The following CNGB1 variants were observed in gnomAD, a reference collection of about 807,000 sequenced individuals.
CNGB1 encodes cyclic nucleotide-gated channel beta-1.
CNGB1 carries 126 observed loss-of-function variants against 151.7 expected under a neutral mutation model. The ratio of observed to expected loss-of-function variants is 0.83; its 90% confidence interval spans 0.72 to 0.96. The LOEUF (loss-of-function observed/expected upper bound fraction) is 0.96. Ranked by LOEUF, CNGB1 falls within the 40% of genes least tolerant of loss-of-function variation. The probability of loss-of-function intolerance (pLI) is 0.00; values close to 1 mark genes in which losing one functional copy is unlikely to be tolerated. For missense variants in CNGB1, 1,698 were observed against 1,627.0 expected (o/e 1.04, Z -0.75); for synonymous variants, 623 against 635.1 (o/e 0.98, Z 0.29).
intron 14 of CNGB1, 137 bp from the exon 15 acceptor site, chr16:57,940,458 G>A (rs1596998049): frequency 2.6e-6 from 2 of 760,840 alleles, no homozygotes; most frequent in Non-Finnish European, 4.3e-6. Context: ...TCAACCTCAG[G>A]AGCCTCCAGG....
Position 57,920,380 on chromosome 16 carries a change from G to T in CNGB1, c.1801+7C>A. 1 of 1,614,070 alleles carries T rather than the reference G, an allele frequency of 6.2e-7. No homozygotes were observed. Among genetic ancestry groups the T allele is most frequent in the South Asian group, 1.1e-5 (1 of 91,056 alleles). ...TCCAGGTAGACCCCCTCCAGCTCCA[G>T]ACTCACAGGGCTTGGGGCTCTCCTC... is the stretch of plus-strand genomic sequence containing the variant. On this transcript the variant is annotated splice_region_variant and intron_variant, in intron 19 of 32. Coordinates refer to ENST00000251102, the MANE Select transcript of CNGB1 (RefSeq NM_001297.5).
intron 2 of CNGB1, among the ~76,000 whole-genome samples, chr16:57,966,054 C>T (rs1962392231): frequency 6.6e-6 from 1 of 152,190 alleles, no homozygotes; most frequent in South Asian, 2.1e-4. Flanking sequence ...CAGGAATGCC[C>T]AGCCTCTCCA....
Position 57,932,400 on chromosome 16 carries a change from C to CTT in CNGB1, c.1373-524_1373-523dup, listed in dbSNP as rs36048770. On this transcript the variant is annotated intron_variant, in intron 16 of 32. Coordinates refer to ENST00000251102, the MANE Select transcript of CNGB1 (RefSeq NM_001297.5). The stretch of plus-strand genomic sequence containing the variant: ...ACAAGTACTCACATTCTTAAAGATT[C>CTT]TTTTTTTTTTTTTTTTTTTTGAGTC... 6.8e-3 allele frequency among the ~76,000 whole-genome samples: 850 copies of CTT among 124,452 alleles called. 29 individuals carry two copies. Among genetic ancestry groups the CTT allele is most frequent in the African/African-American group, 0.022 (701 of 32,000 alleles). 81.6% of individuals were successfully genotyped at this position (124,452 alleles called of 152,430 possible).
chr16:57,950,679 A>T, intron 12 of CNGB1, 139 bp from the exon 13 acceptor site: 1 of 834,136 alleles, frequency 1.2e-6, no homozygotes, highest in South Asian at 1.5e-5. Flanking sequence ...GGGAAATGGC[A>T]CTTTCCATTT....
chr16:57,888,766 A>T (rs1395011186), intron 31 of CNGB1, among the ~76,000 whole-genome samples: 1 of 148,670 alleles, frequency 6.7e-6, no homozygotes, highest in Non-Finnish European at 1.5e-5. Context: ...TCTTTTTTTT[A>T]ACCAGCAGAA....
At chr16:57,967,611 G>T (rs181699106) in intron 1 of CNGB1, among the ~76,000 whole-genome samples, 1 of 151,908 alleles carries the variant, frequency 6.6e-6, no homozygotes, top group African/African-American at 2.4e-5. Flanking sequence ...TGGGAGGATC[G>T]TTTGAGCCTA....
chr16:57,886,821 T>C (rs1696530903), intron 32 of CNGB1, among the ~76,000 whole-genome samples: 1 of 152,200 alleles, frequency 6.6e-6, no homozygotes, highest in South Asian at 2.1e-4. Flanking sequence ...CATAGGTTTA[T>C]GGGGGTGGGG....
At chr16:57,941,940 C>A (rs1961679310) in intron 14 of CNGB1, among the ~76,000 whole-genome samples, 1 of 152,200 alleles carries the variant, frequency 6.6e-6, no homozygotes, top group South Asian at 2.1e-4. Flanking sequence ...CAGCCTCAAC[C>A]TCCCAGGCTC....
At chr16:57,899,861 G>A (rs772892168) in intron 29 of CNGB1, among the ~76,000 whole-genome samples, 1 of 152,152 alleles carries the variant, frequency 6.6e-6, no homozygotes, top group South Asian at 2.1e-4. Context: ...CAGTCCCCGG[G>A]GTGTCTCAGA....
intron 31 of CNGB1, among the ~76,000 whole-genome samples, chr16:57,892,940 G>T (rs1960134032): frequency 6.6e-6 from 1 of 152,168 alleles, no homozygotes; most frequent in Admixed American, 6.5e-5. Flanking sequence ...CTCGTAGCCA[G>T]ACGCATCACA....
chr16:57,940,407 G>C (rs751321621), intron 14 of CNGB1, 86 bp from the exon 15 acceptor site: 54 of 1,333,284 alleles, frequency 4.1e-5, no homozygotes, highest in Non-Finnish European at 5.4e-5. Flanking sequence ...GCCACGCTCT[G>C]TGCCAGGAGC....
intron 32 of CNGB1, 65 bp downstream of exon 32, chr16:57,887,790 C>T (rs1213033595): frequency 6.8e-7 from 1 of 1,474,168 alleles, no homozygotes; most frequent in Non-Finnish European, 9.5e-7. Context: ...CTCTTGGAGA[C>T]CCCTTGGCCT....
rs1344321461 is a variant in CNGB1, at chr16:57,960,526, C to T, written c.539G>A (p.Trp180Ter). ...TGTAGCAACTGCAGGCTCATCTCTC[C>T]AGACCTGGGTGACAAACAGGGCGCA... Reference protein sequence around the residue: ...LPQPPKSSEVWRDEPAVATGA... With the variant: ...LPQPPKSSEV The change falls in exon 9 of 33, where the codon TGG becomes TAG. Residue 180 changes from tryptophan (W) to a stop codon, truncating the protein, a stop_gained. Coordinates refer to ENST00000251102, the MANE Select transcript of CNGB1 (RefSeq NM_001297.5). LOFTEE classifies it high-confidence loss of function. 3 of 1,613,696 alleles carry T rather than the reference C, an allele frequency of 1.9e-6. No homozygotes were observed. Among genetic ancestry groups the T allele is most frequent in the Non-Finnish European group, 2.5e-6 (3 of 1,179,812 alleles).
intron 20 of CNGB1, among the ~76,000 whole-genome samples, chr16:57,918,038 CATGG>C (rs71155216): frequency 0.15 from 21,865 of 149,732 alleles, 1,657 homozygotes; most frequent in Middle Eastern, 0.24. Flanking sequence ...CAGGTGAATG[CATGG>C]ATGGATGGAT....
At chr16:57,906,959 C>T (rs1055365579) in intron 25 of CNGB1, among the ~76,000 whole-genome samples, 4 of 152,140 alleles carry the variant, frequency 2.6e-5, no homozygotes, top group Non-Finnish European at 5.9e-5. Flanking sequence ...ACCCTGAGCC[C>T]CTGGCACACA....
In CNGB1 at chr16:57,964,535, C is replaced by G. The variant is rs1173171736; in HGVS notation, c.169G>C (p.Glu57Gln). The G allele has an allele frequency of 6.2e-7, 1 of 1,614,134 alleles. No individual in the cohort carries two copies. Among genetic ancestry groups the G allele is most frequent in the African/African-American group, 1.3e-5 (1 of 75,050 alleles). Reference sequence around the variant, plus strand: ...GCCACTTCCTCCTCCTTGAATGACTCTTCGGGGGGCTAGAGGGTTCGAACA... The same window carrying G: ...GCCACTTCCTCCTCCTTGAATGACTGTTCGGGGGGCTAGAGGGTTCGAACA... ...ETESESMPPE[E>Q]SFKEEEVAVA... Residue 57 changes from glutamate to glutamine, a missense_variant, in exon 3 of 33, where the codon GAG becomes CAG. Coordinates refer to ENST00000251102, the MANE Select transcript of CNGB1 (RefSeq NM_001297.5).
At chr16:57,930,280 C>T (rs749078705) in intron 17 of CNGB1, among the ~76,000 whole-genome samples, 16 of 151,928 alleles carry the variant, frequency 1.1e-4, no homozygotes, top group Non-Finnish European at 1.9e-4. Context: ...GTGGATTGCT[C>T]GAGCTCAGGA....
chr16:57,960,921 G>A lies in CNGB1; in HGVS notation c.459-6C>T, dbSNP rs762319566. 6.2e-7 allele frequency: 1 copy of A among 1,614,104 alleles called. No individual in the cohort carries two copies. Among genetic ancestry groups the A allele is most frequent in the Non-Finnish European group, 8.5e-7 (1 of 1,179,994 alleles). On this transcript the variant is annotated splice_polypyrimidine_tract_variant and splice_region_variant and intron_variant, in intron 7 of 32. Coordinates refer to ENST00000251102, the MANE Select transcript of CNGB1 (RefSeq NM_001297.5). Reference sequence around the variant, plus strand: ...GAAGCAGCCGCAGCCCAGGCCTGCAGAGGGGCCAGTGATCAGCAGAGTGCC... The same window carrying A: ...GAAGCAGCCGCAGCCCAGGCCTGCAAAGGGGCCAGTGATCAGCAGAGTGCC...
intron 3 of CNGB1, 133 bp downstream of exon 3, chr16:57,964,354 C>T: frequency 7.2e-7 from 1 of 1,383,950 alleles, no homozygotes; most frequent in Non-Finnish European, 1.0e-6. Context: ...TCTGGGAGCC[C>T]ACCCTTAGCT....
Sources: gnomAD v4.1 joint callset for allele counts (sites outside exome capture counted in the v4.1 genomes callset) on GRCh38, gnomAD v4.1.1 for gene constraint, MANE v1.5 for transcripts, NCBI Gene and HGNC (gene_info 2026-07-23, HGNC 2026-07-21) for gene names.